Variants in FRMD5 observed in about 807,000 individuals in gnomAD.
FRMD5 encodes the protein FERM domain containing 5, also known as FERM domain-containing protein 5.
In FRMD5, 20 loss-of-function variants were observed where a neutral mutation model predicts 69.0. That is an observed-to-expected ratio of 0.29 (90% CI 0.20 to 0.42). The LOEUF (loss-of-function observed/expected upper bound fraction) is 0.42. FRMD5 is among the 10% of genes least tolerant of loss of function. The pLI is 1.00. For missense variants in FRMD5, 595 were observed against 708.6 expected, an observed-to-expected ratio of 0.84 and a Z score of 1.82; for synonymous variants, 271 against 260.1, an observed-to-expected ratio of 1.04 and a Z score of -0.40.
At position 43,883,807 on chromosome 15, in the gene FRMD5, G is replaced by A; in HGVS notation, c.1031C>T (p.Ala344Val). The change falls in exon 13 of 14, where the codon GCA becomes GTA. Residue 344 changes from alanine to valine, a missense_variant and splice_region_variant. By Grantham distance (64) the Ala-to-Val change is moderately conservative. Around this residue, in one of 5 missense-constraint regions of FRMD5, gnomAD observed 176 missense variants for 266.3 expected, o/e 0.66. Coordinates refer to ENST00000417257, the MANE Select transcript of FRMD5 (RefSeq NM_032892.5). ...IKREPPEIHR[A>V]GMVPSRSCPS... ...ACAGCTCCGGCTGGGAACCATCCCTGCTCTGAGGTTAAAGAAAAAGAACCT... is the reference window on the plus strand; with the variant it reads ...ACAGCTCCGGCTGGGAACCATCCCTACTCTGAGGTTAAAGAAAAAGAACCT... 6.2e-7 allele frequency: 1 copy of A among 1,612,988 alleles called. No homozygotes were observed. Among genetic ancestry groups the A allele is most frequent in the Non-Finnish European group, 8.5e-7 (1 of 1,178,992 alleles).
At chr15:43,920,489 G>T (rs879571381) in intron 2 of FRMD5, among the ~76,000 whole-genome samples, 3 of 152,184 alleles carry the variant, frequency 2.0e-5, no homozygotes, top group Non-Finnish European at 2.9e-5. Context: ...TTTTCAAGGA[G>T]GCAGGACATA....
At chr15:43,881,772 C>T (rs779740312) in intron 13 of FRMD5, among the ~76,000 whole-genome samples, 8 of 152,136 alleles carry the variant, frequency 5.3e-5, no homozygotes, top group African/African-American at 9.7e-5. Context: ...TTTGTCTAGC[C>T]GGGGTTCTCA....
intron 1 of FRMD5, among the ~76,000 whole-genome samples, chr15:44,134,593 C>T (rs1020098791): frequency 2.0e-5 from 3 of 152,054 alleles, no homozygotes; most frequent in African/African-American, 4.8e-5. Context: ...GGATTACAGG[C>T]GCGCGCCACT....
At chr15:43,895,053 G>T (rs1449142405) in intron 7 of FRMD5, among the ~76,000 whole-genome samples, 1 of 152,060 alleles carries the variant, frequency 6.6e-6, no homozygotes, top group Non-Finnish European at 1.5e-5. Flanking sequence ...CAAAGTGCTG[G>T]CATTACAGAC....
Position 44,021,073 on chromosome 15 carries a change from C to T in FRMD5, c.103-96764G>A, listed in dbSNP as rs567194124. ...GGAGGCCAAGGCAGCTCATTTGAGT[C>T]CAAGAGTTTGAGACCAGCCTGAGCA... is the stretch of plus-strand genomic sequence containing the variant. On this transcript the variant is annotated intron_variant, in intron 1 of 13. Coordinates refer to ENST00000417257, the MANE Select transcript of FRMD5 (RefSeq NM_032892.5). Among the ~76,000 whole-genome samples the T allele has an allele frequency of 1.3e-4, 20 of 152,168 alleles. 1 individual carries two copies. In the South Asian group the frequency reaches 3.9e-3, roughly 30 times the overall value.
intron 1 of FRMD5, among the ~76,000 whole-genome samples, chr15:43,983,941 T>C (rs757217173): frequency 2.6e-4 from 40 of 152,368 alleles, no homozygotes; most frequent in Admixed American, 6.5e-4. Context: ...CCCTGAACTA[T>C]GCAGCTCTTC....
chr15:44,195,799 A>T (rs780555361), upstream of FRMD5, among the ~76,000 whole-genome samples: 5 of 152,204 alleles, frequency 3.3e-5, no homozygotes, highest in Admixed American at 1.3e-4. Flanking sequence ...TTATTTTGGG[A>T]AACAGGAGCT....
rs1348892173 is a variant in FRMD5 at position 44,195,019 on chromosome 15, G to C, written c.36C>G (p.Ser12Arg). The C allele has an allele frequency of 6.4e-7, 1 of 1,556,852 alleles. No homozygotes were observed. Among genetic ancestry groups the C allele is most frequent in the Non-Finnish European group, 8.6e-7 (1 of 1,156,274 alleles). The change falls in exon 1 of 14, where the codon AGC becomes AGG. Residue 12 changes from serine (S) to arginine (R), a missense_variant. Coordinates refer to ENST00000417257, the MANE Select transcript of FRMD5 (RefSeq NM_032892.5). ...CGGTGCAGCTGTACTCGCGCTCCAG[G>C]CTCCTGCTGCTGCCGCTCATCAACC... ...LSRLMSGSSR[S>R]LEREYSCTVR... is the part of the protein sequence containing the mutation.
At position 43,874,407 on chromosome 15, in the gene FRMD5, A is replaced by G. The variant is rs573885433; in HGVS notation, c.1191T>C (p.His397=). 6.2e-7 allele frequency: 1 copy of G among 1,614,226 alleles called. No homozygotes were observed. The highest frequency in any genetic ancestry group is 1.1e-5 in the South Asian group (1 of 91,090). The change falls in exon 14 of 14, where the codon CAT becomes CAC. Residue 397 remains histidine, a synonymous_variant. Transcript: ENST00000417257. ...TCACGTGAGGCAGGAAGGTGTCCCC[A>G]TGGGAAGTGGAACGCACTGGTGTGG... ...AHSTPVRSTS[H]GDTFLPHVRS... is the part of the protein sequence containing the mutation.
At chr15:44,068,094 GT>G (rs1235477576) in intron 1 of FRMD5, among the ~76,000 whole-genome samples, 1 of 152,164 alleles carries the variant, frequency 6.6e-6, no homozygotes, top group East Asian at 1.9e-4. Context: ...AAAATAACAA[GT>G]GTTGCTAAGA....
At chr15:43,898,073 G>C (rs1276835548) in intron 7 of FRMD5, among the ~76,000 whole-genome samples, 12 of 152,226 alleles carry the variant, frequency 7.9e-5, no homozygotes, top group Admixed American at 7.9e-4. Flanking sequence ...CTTTATAGCA[G>C]TGTGAAAATG....
chr15:43,962,697 T>A (rs369491174), intron 1 of FRMD5, among the ~76,000 whole-genome samples: 1 of 152,148 alleles, frequency 6.6e-6, no homozygotes, highest in Non-Finnish European at 1.5e-5. Context: ...GGTACTGGTA[T>A]CAAAACAGAG....
upstream of FRMD5, among the ~76,000 whole-genome samples, chr15:44,195,680 A>G (rs1031970083): frequency 2.0e-5 from 3 of 152,236 alleles, no homozygotes; most frequent in African/African-American, 7.2e-5. Context: ...GCTGGATCAC[A>G]GTCCCTGCAC....
chr15:44,097,103 T>C (rs1050313682), intron 1 of FRMD5, among the ~76,000 whole-genome samples: 9 of 152,238 alleles, frequency 5.9e-5, no homozygotes, highest in Admixed American at 3.9e-4. Flanking sequence ...TATAATGCTA[T>C]CATTTTAGTA....
chr15:43,892,078 C>T lies in FRMD5; in HGVS notation c.640-9G>A. 6.2e-7 allele frequency: 1 copy of T among 1,613,252 alleles called. No homozygotes were observed. Among genetic ancestry groups the T allele is most frequent in the Non-Finnish European group, 8.5e-7 (1 of 1,179,310 alleles). ...GCATTTCCTGACACGTCCTGCAACACAGAAAGACTTCTCATCGGGTGATGC... is the reference window on the plus strand; with the variant it reads ...GCATTTCCTGACACGTCCTGCAACATAGAAAGACTTCTCATCGGGTGATGC... On this transcript the variant is annotated splice_polypyrimidine_tract_variant and intron_variant, in intron 7 of 13. Coordinates refer to ENST00000417257, the MANE Select transcript of FRMD5 (RefSeq NM_032892.5).
At chr15:43,963,984 C>T (rs1187321694) in intron 1 of FRMD5, among the ~76,000 whole-genome samples, 2 of 151,802 alleles carry the variant, frequency 1.3e-5, no homozygotes, top group Non-Finnish European at 2.9e-5. Flanking sequence ...TGCAGCACAC[C>T]AACATGGCAC....
At chr15:44,036,952 T>C (rs1391751300) in intron 1 of FRMD5, among the ~76,000 whole-genome samples, 1 of 152,214 alleles carries the variant, frequency 6.6e-6, no homozygotes, top group Non-Finnish European at 1.5e-5. Flanking sequence ...AATCATTATT[T>C]TGCCTGACTG....
chr15:44,078,805 A>C (rs1237021865), intron 1 of FRMD5, among the ~76,000 whole-genome samples: 1 of 152,202 alleles, frequency 6.6e-6, no homozygotes, highest in Non-Finnish European at 1.5e-5. Context: ...AAAGATCTAC[A>C]TATAGGAGCC....
chr15:44,109,412 T>A (rs2043974131), intron 1 of FRMD5, among the ~76,000 whole-genome samples: 1 of 152,214 alleles, frequency 6.6e-6, no homozygotes, highest in Admixed American at 6.5e-5. Flanking sequence ...ATCTTCTGGT[T>A]TGCAAGGTTT....
Sources: allele counts gnomAD v4.1 joint callset (sites outside exome capture counted in the v4.1 genomes callset), GRCh38; gene constraint gnomAD v4.1.1; regional missense constraint gnomAD v4.1.1; transcripts MANE v1.5; gene names NCBI Gene and HGNC (gene_info 2026-07-23, HGNC 2026-07-21).